MIPEP: variants seen among roughly 807,000 people sequenced by gnomAD.
MIPEP encodes mitochondrial intermediate peptidase.
Under a neutral mutation model 90.3 loss-of-function variants are expected in MIPEP, and 79 were observed. The ratio of observed to expected loss-of-function variants is 0.87; its 90% confidence interval spans 0.73 to 1.05. MIPEP has a LOEUF of 1.05. MIPEP is among the 50% of genes least tolerant of loss of function. MIPEP has a pLI of 0.00. For synonymous variants in MIPEP, 334 were observed against 315.8 expected (o/e 1.06, Z -0.61); for missense variants, 940 against 905.6 (o/e 1.04, Z -0.49).
chr13:23,852,955 T>C (rs2137484479), intron 10 of MIPEP, among the ~76,000 whole-genome samples: 1 of 152,080 alleles, frequency 6.6e-6, no homozygotes, highest in African/African-American at 2.4e-5. Flanking sequence ...ATTTAAAAAG[T>C]ACAAAAAAAA....
intron 10 of MIPEP, among the ~76,000 whole-genome samples, chr13:23,854,085 G>T (rs1440764617): frequency 1.3e-5 from 2 of 151,736 alleles, no homozygotes; most frequent in African/African-American, 2.4e-5. Context: ...CAGCACTTTG[G>T]GAGGCCGAGG....
chr13:23,747,653 T>C, intron 18 of MIPEP: 1 of 417,592 alleles, frequency 2.4e-6, no homozygotes. Flanking sequence ...ATATTTAGCC[T>C]GTAAAATATC....
At chr13:23,788,792 A>G (rs191828578) in intron 16 of MIPEP, among the ~76,000 whole-genome samples, 35 of 152,340 alleles carry the variant, frequency 2.3e-4, no homozygotes, top group African/African-American at 7.7e-4. Context: ...CCTTTAGAAC[A>G]AATTCTTAAA....
At chr13:23,790,316 A>G (rs1174289164) in intron 16 of MIPEP, among the ~76,000 whole-genome samples, 1 of 152,050 alleles carries the variant, frequency 6.6e-6, no homozygotes, top group African/African-American at 2.4e-5. Flanking sequence ...ACTCTCACCA[A>G]TCCTACTCCT....
At chr13:23,738,180 T>A (rs1015045061) in intron 18 of MIPEP, among the ~76,000 whole-genome samples, 3 of 152,130 alleles carry the variant, frequency 2.0e-5, no homozygotes, top group Admixed American at 6.5e-5. Flanking sequence ...AAAAAACATG[T>A]TATTTATTAG....
chr13:23,836,391 A>G (rs1476498112), intron 13 of MIPEP, 42 bp from the exon 14 acceptor site: 2 of 1,225,434 alleles, frequency 1.6e-6, no homozygotes, highest in African/African-American at 1.5e-5. Flanking sequence ...AATCAAATCA[A>G]TATATTTATC....
chr13:23,817,213 T>C (rs1953251026), intron 14 of MIPEP, among the ~76,000 whole-genome samples: 1 of 152,082 alleles, frequency 6.6e-6, no homozygotes, highest in African/African-American at 2.4e-5. Context: ...AGGAGAAAAA[T>C]CAAACCAAAC....
intron 16 of MIPEP, among the ~76,000 whole-genome samples, chr13:23,795,868 C>T (rs1038861590): frequency 2.0e-5 from 3 of 147,148 alleles, no homozygotes; most frequent in Non-Finnish European, 4.5e-5. Flanking sequence ...TGGTGATGAG[C>T]GCCTGTAGTC....
At chr13:23,844,045 G>A (rs1051429356) in intron 10 of MIPEP, among the ~76,000 whole-genome samples, 38 of 152,122 alleles carry the variant, frequency 2.5e-4, no homozygotes, top group Admixed American at 2.2e-3. Context: ...CTCCATTTTG[G>A]AGGAACCGAC....
At chr13:23,801,650 A>G (rs372702631) in intron 16 of MIPEP, among the ~76,000 whole-genome samples, 9 of 152,196 alleles carry the variant, frequency 5.9e-5, no homozygotes, top group African/African-American at 2.2e-4. Flanking sequence ...CTGACAATGT[A>G]CTGCTTAGTT....
At chr13:23,766,788 C>T (rs1362025867) in intron 16 of MIPEP, among the ~76,000 whole-genome samples, 1 of 152,212 alleles carries the variant, frequency 6.6e-6, no homozygotes, top group Non-Finnish European at 1.5e-5. Context: ...CCCCCATGAC[C>T]CATCCTCCTG....
chr13:23,826,268 T>C (rs1868447000), intron 14 of MIPEP, among the ~76,000 whole-genome samples: 1 of 152,112 alleles, frequency 6.6e-6, no homozygotes, highest in South Asian at 2.1e-4. Flanking sequence ...CTCTAAATTT[T>C]TGCTATATCA....
rs11370717 is a variant in MIPEP at position 23,767,455 on chromosome 13, A to ATT, written c.1849-7240_1849-7239dup. Among the ~76,000 whole-genome samples, 123 of 148,228 alleles carry ATT rather than the reference A, an allele frequency of 8.3e-4. No individual in the cohort carries two copies. The Middle Eastern group carries it at 0.01, about 12-fold the overall frequency. On this transcript the variant is annotated intron_variant, in intron 16 of 18. Transcript: ENST00000382172. ...TGTTTGAAGGGCAGTATCTTTGTAAATTTTTTTTTTTTTTGAGACGAAGTC... is the reference window on the plus strand; with the variant it reads ...TGTTTGAAGGGCAGTATCTTTGTAAATTTTTTTTTTTTTTTTGAGACGAAGTC...
At chr13:23,744,023 T>C (rs1268359375) in intron 18 of MIPEP, among the ~76,000 whole-genome samples, 2 of 152,218 alleles carry the variant, frequency 1.3e-5, no homozygotes, top group Admixed American at 1.3e-4. Flanking sequence ...GCTAACTAAA[T>C]TGTAACTCTG....
chr13:23,876,279 G>A (rs1871070357), intron 4 of MIPEP, among the ~76,000 whole-genome samples: 1 of 152,132 alleles, frequency 6.6e-6, no homozygotes, highest in South Asian at 2.1e-4. Flanking sequence ...TTTCCTTAAT[G>A]GTGGTGGGTC....
intron 18 of MIPEP, among the ~76,000 whole-genome samples, chr13:23,743,611 T>C (rs1263440105): frequency 6.6e-6 from 1 of 152,260 alleles, no homozygotes; most frequent in Non-Finnish European, 1.5e-5. Context: ...CCTCTGAACC[T>C]GTGTTAGACA....
chr13:23,868,484 T>C lies in MIPEP; in HGVS notation c.943+808A>G, dbSNP rs542693229. On this transcript the variant is annotated intron_variant, in intron 7 of 18. Coordinates refer to ENST00000382172, the MANE Select transcript of MIPEP (RefSeq NM_005932.4). ...GAATAAAGACAAGCGAGGATTCAGG[T>C]TGTGATCTGCCCCCAGTGTCCCCTC... 5.3e-5 allele frequency among the ~76,000 whole-genome samples: 8 copies of C among 152,120 alleles called. No individual in the cohort carries two copies. The South Asian group carries it at 1.2e-3, about 24-fold the overall frequency.
chr13:23,793,557 G>A (rs550080582), intron 16 of MIPEP, among the ~76,000 whole-genome samples: 13 of 152,004 alleles, frequency 8.6e-5, no homozygotes, highest in African/African-American at 2.9e-4. Flanking sequence ...ACATTTCTCA[G>A]TAAATATTTA....
At chr13:23,808,106 GT>G (rs397948305) in intron 15 of MIPEP, among the ~76,000 whole-genome samples, 10 of 142,984 alleles carry the variant, frequency 7.0e-5, no homozygotes, top group Admixed American at 5.6e-4. Context: ...TTTTTTTTTT[GT>G]TTTTTTTTTG....
Sources: allele counts gnomAD v4.1 joint callset (sites outside exome capture counted in the v4.1 genomes callset), GRCh38; gene constraint gnomAD v4.1.1; transcripts MANE v1.5; gene names NCBI Gene and HGNC (gene_info 2026-07-23, HGNC 2026-07-21).